DNAAF9: variants seen among roughly 807,000 people sequenced by gnomAD.
The protein encoded by DNAAF9 is shulin.
DNAAF9 carries 90 observed loss-of-function variants against 167.0 expected under a neutral mutation model. The ratio of observed to expected loss-of-function variants is 0.54; its 90% CI spans 0.45 to 0.64. The LOEUF is 0.64. DNAAF9 is among the 30% of genes least tolerant of loss of function. The probability of loss-of-function intolerance (pLI) is 0.00; values close to 1 mark genes in which losing one functional copy is unlikely to be tolerated. For synonymous variants in DNAAF9, 491 were observed against 508.8 expected (o/e 0.96, Z 0.47); for missense variants, 1,315 against 1,442.2 (o/e 0.91, Z 1.43).
intron 4 of DNAAF9, among the ~76,000 whole-genome samples, chr20:3,375,848 A>AG (rs1568636673): frequency 6.6e-6 from 1 of 151,842 alleles, no homozygotes; most frequent in Admixed American, 6.6e-5. Flanking sequence ...ACTCCGTCCC[A>AG]GAAAAAAAAA....
chr20:3,300,142 A>T (rs2122965517), intron 21 of DNAAF9, among the ~76,000 whole-genome samples: 1 of 152,288 alleles, frequency 6.6e-6, no homozygotes, highest in South Asian at 2.1e-4. Flanking sequence ...ACCTCAAGTG[A>T]TCTGCCCGCT....
intron 8 of DNAAF9, among the ~76,000 whole-genome samples, chr20:3,345,207 A>G (rs977372173): frequency 1.3e-5 from 2 of 152,132 alleles, no homozygotes; most frequent in Admixed American, 6.6e-5. Context: ...TAGTAGAGAC[A>G]GGGTTTCACT....
chr20:3,260,599 T>TGG (rs11394828), intron 31 of DNAAF9, among the ~76,000 whole-genome samples: 2 of 151,802 alleles, frequency 1.3e-5, no homozygotes, highest in African/African-American at 4.8e-5. Context: ...CCTGGTACGG[T>TGG]GGGGGGCTCT....
At chr20:3,383,404 G>T (rs756184356) in intron 1 of DNAAF9, among the ~76,000 whole-genome samples, 23 of 151,734 alleles carry the variant, frequency 1.5e-4, no homozygotes, top group Admixed American at 3.9e-4. Flanking sequence ...GAATAGCTGG[G>T]ATTACAGGTG....
At chr20:3,288,411 C>T (rs1200909406) in intron 26 of DNAAF9, among the ~76,000 whole-genome samples, 1 of 152,156 alleles carries the variant, frequency 6.6e-6, no homozygotes, top group Admixed American at 6.5e-5. Flanking sequence ...GATCGCACCA[C>T]TGCACTCCAG....
At chr20:3,269,778 C>A (rs1333461698) in intron 30 of DNAAF9, among the ~76,000 whole-genome samples, 1 of 151,954 alleles carries the variant, frequency 6.6e-6, no homozygotes. Context: ...CATGGTGAAA[C>A]CCCGTCTCTA....
chr20:3,273,126 C>T (rs1011981301), intron 29 of DNAAF9, among the ~76,000 whole-genome samples: 17 of 152,238 alleles, frequency 1.1e-4, no homozygotes, highest in South Asian at 6.2e-4. Flanking sequence ...CCATCGCGCC[C>T]GGTGAGAGTA....
intron 2 of DNAAF9, 138 bp downstream of exon 2, chr20:3,382,289 C>T: frequency 2.9e-6 from 2 of 683,340 alleles, no homozygotes; most frequent in South Asian, 1.8e-5. Context: ...AAAACAGCAA[C>T]AAATTTCGGG....
rs373430961 is a variant in DNAAF9, at chr20:3,255,195, G to C, written c.3327+24C>G. On this transcript the variant is annotated intron_variant, in intron 35 of 36. Coordinates refer to ENST00000252032, the MANE Select transcript of DNAAF9 (RefSeq NM_001009984.3). ...GAGGACAGCCCTGGGCCACCGAGGG[G>C]AGAAGCCAGGGCAAGGCACTCACGT... is the stretch of plus-strand genomic sequence containing the variant. 6 of 1,504,672 alleles carry C rather than the reference G, an allele frequency of 4.0e-6. No homozygotes were observed. In the East Asian group the frequency reaches 1.5e-4, roughly 37 times the overall value. The allele number at this position is 1,504,672 out of a possible 1,614,324, so 93.2% of individuals were successfully genotyped here. A position where few individuals can be genotyped will look rare whatever the true frequency, so the allele number is the denominator to read the frequency against.
At chr20:3,309,666 A>G (rs1241812940) in intron 20 of DNAAF9, among the ~76,000 whole-genome samples, 1 of 152,230 alleles carries the variant, frequency 6.6e-6, no homozygotes, top group African/African-American at 2.4e-5. Flanking sequence ...TCACTTTCAC[A>G]GAGCAATCCA....
intron 16 of DNAAF9, among the ~76,000 whole-genome samples, chr20:3,321,530 T>C (rs1168554173): frequency 6.6e-6 from 1 of 152,230 alleles, no homozygotes; most frequent in Non-Finnish European, 1.5e-5. Context: ...TGTCCTTTTG[T>C]GGTACAGGAC....
chr20:3,381,335 C>T (rs775620711), intron 3 of DNAAF9, 44 bp downstream of exon 3: 5 of 1,475,076 alleles, frequency 3.4e-6, no homozygotes, highest in Non-Finnish European at 4.6e-6. Context: ...AATAAATAAA[C>T]CTCTTACTCT....
intron 28 of DNAAF9, 99 bp from the exon 29 acceptor site, chr20:3,279,048 G>T: frequency 1.2e-6 from 1 of 850,180 alleles, no homozygotes; most frequent in South Asian, 1.5e-5. Context: ...CAAGCAAATT[G>T]ACTCACATGA....
At chr20:3,272,714 AT>A (rs1432223668) in intron 29 of DNAAF9, among the ~76,000 whole-genome samples, 1 of 152,224 alleles carries the variant, frequency 6.6e-6, no homozygotes, top group Admixed American at 6.5e-5. Flanking sequence ...CAACATTTAT[AT>A]TCTATTTTGT....
Position 3,340,640 on chromosome 20 carries a change from C to A in DNAAF9, c.846-1G>T, listed in dbSNP as rs1302521131. On this transcript the variant is annotated splice_acceptor_variant, in intron 9 of 36. Coordinates refer to ENST00000252032, the MANE Select transcript of DNAAF9 (RefSeq NM_001009984.3). LOFTEE classifies it high-confidence loss of function. ...GAGAACAAATGGCTGCCGGTTAGGG[C>A]TAGAGAGGGAAGTCAAAAACATGTG... 2 of 1,613,880 alleles carry A rather than the reference C, an allele frequency of 1.2e-6. No homozygotes were observed. Among genetic ancestry groups the A allele is most frequent in the Admixed American group, 1.7e-5 (1 of 60,002 alleles).
intron 6 of DNAAF9, among the ~76,000 whole-genome samples, chr20:3,364,947 CTT>C (rs80087421): frequency 2.3e-5 from 2 of 87,574 alleles, no homozygotes; most frequent in Non-Finnish European, 5.0e-5. Context: ...TTCCTTTTTT[CTT>C]TTTTTTTTTT....
intron 26 of DNAAF9, among the ~76,000 whole-genome samples, chr20:3,289,676 C>T (rs554453258): frequency 3.9e-5 from 6 of 152,082 alleles, no homozygotes; most frequent in South Asian, 2.1e-4. Flanking sequence ...CATGCCACCA[C>T]GTTCGGCTAA....
chr20:3,297,024 T>C (rs2069093073), intron 22 of DNAAF9, 75 bp from the exon 23 acceptor site: 2 of 826,230 alleles, frequency 2.4e-6, no homozygotes, highest in Non-Finnish European at 4.1e-6. Context: ...GGGGATTTGA[T>C]GGTTGTTGAA....
intron 16 of DNAAF9, 28 bp from the exon 17 acceptor site, chr20:3,318,428 C>A: frequency 2.7e-6 from 3 of 1,125,610 alleles, no homozygotes; most frequent in South Asian, 2.5e-5. Flanking sequence ...CCAGTTAGAT[C>A]AGTTACCAGC....
Sources: allele counts gnomAD v4.1 joint callset (sites outside exome capture counted in the v4.1 genomes callset), GRCh38; gene constraint gnomAD v4.1.1; transcripts MANE v1.5; gene names NCBI Gene and HGNC (gene_info 2026-07-23, HGNC 2026-07-21).